The following CYP4F3 variants were observed in gnomAD, a reference collection of about 807,000 sequenced individuals.
The protein encoded by CYP4F3 is cytochrome P450 4F3.
Under a neutral mutation model 54.8 loss-of-function variants are expected in CYP4F3, and 50 were observed. The observed-to-expected ratio is 0.91, with a 90% CI of 0.73 to 1.16. The LOEUF (loss-of-function observed/expected upper bound fraction) is 1.16, where lower values mean the gene tolerates loss of function less well. CYP4F3 is among the 50% of genes most tolerant of loss of function. CYP4F3 has a pLI of 0.00. For synonymous variants in CYP4F3, 244 were observed against 262.6 expected, an observed-to-expected ratio of 0.93 and a Z score of 0.69; for missense variants, 715 against 676.2, an observed-to-expected ratio of 1.06 and a Z score of -0.64.
At position 15,652,677 on chromosome 19, in the gene CYP4F3, C is replaced by A. The variant is rs781034491; in HGVS notation, c.985+42C>A. 1.3e-5 allele frequency: 21 copies of A among 1,613,892 alleles called. No homozygotes were observed. The South Asian group carries it at 2.1e-4, about 16-fold the overall frequency. On this transcript the variant is annotated intron_variant, in intron 8 of 12. Coordinates refer to ENST00000221307, the MANE Select transcript of CYP4F3 (RefSeq NM_000896.3). ...GGGGCTAGAGTGGGGACTTGGATAT[C>A]TCCATTCCAGGAACAGGGTGGGTGG...
intron 9 of CYP4F3, among the ~76,000 whole-genome samples, chr19:15,654,499 G>T (rs571746286): frequency 1.3e-5 from 2 of 152,042 alleles, no homozygotes; most frequent in Non-Finnish European, 2.9e-5. Flanking sequence ...ACTCAAATTC[G>T]TACCCATTAA....
Position 15,652,986 on chromosome 19 carries a change from C to T in CYP4F3, c.1115+34C>T, listed in dbSNP as rs77718064. 1.8e-4 allele frequency: 285 copies of T among 1,578,094 alleles called. 1 individual carries two copies. The East Asian group carries it at 5.3e-3, about 29-fold the overall frequency. On this transcript the variant is annotated intron_variant, in intron 9 of 12. Coordinates refer to ENST00000221307, the MANE Select transcript of CYP4F3 (RefSeq NM_000896.3). Reference sequence around the variant, plus strand: ...AGGTGCTGGTGCCCTGTTCCTGAGCCTGTCTCATTGGCTCTGTTCCCCAGG... The same window carrying T: ...AGGTGCTGGTGCCCTGTTCCTGAGCTTGTCTCATTGGCTCTGTTCCCCAGG...
At chr19:15,643,666 C>A (rs1428380847) in intron 2 of CYP4F3, among the ~76,000 whole-genome samples, 5 of 152,150 alleles carry the variant, frequency 3.3e-5, no homozygotes, top group Non-Finnish European at 7.4e-5. Context: ...AGCCCCACAA[C>A]AGAGCAAATT....
intron 9 of CYP4F3, among the ~76,000 whole-genome samples, chr19:15,657,456 G>A (rs1438498620): frequency 1.3e-5 from 2 of 152,026 alleles, no homozygotes; most frequent in East Asian, 3.9e-4. Context: ...CACCATGCCT[G>A]GGTAATTTTT....
intron 9 of CYP4F3, among the ~76,000 whole-genome samples, chr19:15,656,565 CATCT>C (rs1400225920): frequency 6.7e-6 from 1 of 149,368 alleles, no homozygotes; most frequent in Non-Finnish European, 1.5e-5. Flanking sequence ...ATCTATCTAT[CATCT>C]ATCAATGTAT....
chr19:15,644,694 A>C (rs1427557369), intron 2 of CYP4F3, among the ~76,000 whole-genome samples: 1 of 152,110 alleles, frequency 6.6e-6, no homozygotes, highest in Non-Finnish European at 1.5e-5. Flanking sequence ...TGTCTGCCCT[A>C]AGTTCATTGC....
rs1179821074 is a variant in CYP4F3 at position 15,643,327 on chromosome 19, T to C, written c.198+1714T>C. On this transcript the variant is annotated intron_variant, in intron 2 of 12. Coordinates refer to ENST00000221307, the MANE Select transcript of CYP4F3 (RefSeq NM_000896.3). ...TAGATAGATAGATTAGATAGATAGA[T>C]AGATAGACAGATAGATACATACATA... 3.6e-4 allele frequency among the ~76,000 whole-genome samples: 51 copies of C among 143,482 alleles called. 1 individual carries two copies. In the South Asian group the frequency reaches 3.9e-3, roughly 11 times the overall value. The allele number at this position is 143,482 out of a possible 152,430, so 94.1% of individuals were successfully genotyped here. A position where few individuals can be genotyped will look rare whatever the true frequency, so the allele number is the denominator to read the frequency against.
At chr19:15,647,432 T>G in intron 5 of CYP4F3, 108 bp downstream of exon 5, 1 of 1,529,358 alleles carries the variant, frequency 6.5e-7, no homozygotes, top group Non-Finnish European at 8.9e-7. Context: ...GGCCATTGTC[T>G]TCCTCTCTGA....
intron 9 of CYP4F3, among the ~76,000 whole-genome samples, chr19:15,655,802 A>T (rs1313614432): frequency 6.6e-6 from 1 of 152,202 alleles, no homozygotes; most frequent in East Asian, 1.9e-4. Context: ...TTAATTGACA[A>T]GTTTTAATTA....
At chr19:15,653,771 A>AGAGAGAGAGT (rs1972938630) in intron 9 of CYP4F3, among the ~76,000 whole-genome samples, 1 of 146,086 alleles carries the variant, frequency 6.8e-6, no homozygotes, top group Admixed American at 6.8e-5. Flanking sequence ...AGAGAGAGAG[A>AGAGAGAGAGT]GAGAGAGAGA....
At chr19:15,651,308 T>C (rs1312903056) in intron 7 of CYP4F3, among the ~76,000 whole-genome samples, 1 of 140,464 alleles carries the variant, frequency 7.1e-6, no homozygotes, top group African/African-American at 2.6e-5. Context: ...TGTATGTCTA[T>C]GTCCATGTTT....
intron 9 of CYP4F3, among the ~76,000 whole-genome samples, chr19:15,657,461 A>G (rs1568403040): frequency 6.6e-6 from 1 of 151,570 alleles, no homozygotes; most frequent in African/African-American, 2.4e-5. Context: ...TGCCTGGGTA[A>G]TTTTTTTTGT....
chr19:15,658,291 G>A lies in CYP4F3; in HGVS notation c.1143G>A (p.Leu381=), dbSNP rs1367941049. 1 of 1,614,132 alleles carries A rather than the reference G, an allele frequency of 6.2e-7. No individual in the cohort carries two copies. Among genetic ancestry groups the A allele is most frequent in the Non-Finnish European group, 8.5e-7 (1 of 1,180,018 alleles). The change falls in exon 10 of 13, where the codon CTG becomes CTA. Residue 381 remains leucine (L), a synonymous_variant. Coordinates refer to ENST00000221307, the MANE Select transcript of CYP4F3 (RefSeq NM_000896.3). The part of the protein sequence containing the change: ...EWDDLAQLPF[L]TMCIKESLRL... ...ACGACCTGGCCCAGCTGCCCTTCCT[G>A]ACCATGTGCATTAAGGAGAGCCTGA...
At chr19:15,647,455 T>G in intron 5 of CYP4F3, 131 bp downstream of exon 5, 1 of 1,457,606 alleles carries the variant, frequency 6.9e-7, no homozygotes, top group South Asian at 1.4e-5. Context: ...TTTGGTTTCC[T>G]CATCTGTAAA....
Position 15,649,291 on chromosome 19 carries a change from T to C in CYP4F3, c.647+10T>C. The stretch of plus-strand genomic sequence containing the variant: ...ACAGCCATTGCCAGGAGTAAGTTCT[T>C]GCCCAGGGTCTGGGATCCTGGGCCG... On this transcript the variant is annotated intron_variant, in intron 6 of 12. Coordinates refer to ENST00000221307, the MANE Select transcript of CYP4F3 (RefSeq NM_000896.3). 1 of 1,612,212 alleles carries C rather than the reference T, an allele frequency of 6.2e-7. No homozygotes were observed. The highest frequency in any genetic ancestry group is 1.3e-5 in the African/African-American group (1 of 74,930).
intron 2 of CYP4F3, chr19:15,644,103 A>G: frequency 1.4e-6 from 2 of 1,473,288 alleles, no homozygotes; most frequent in Non-Finnish European, 1.8e-6. Context: ...TGAGGCCTGC[A>G]AGTCCCTCTA....
chr19:15,642,309 A>G (rs1184897831), intron 2 of CYP4F3, among the ~76,000 whole-genome samples: 3 of 152,322 alleles, frequency 2.0e-5, no homozygotes, highest in Admixed American at 1.3e-4. Context: ...CACAGGATGC[A>G]CTAGCACAGA....
chr19:15,649,079 C>G (rs111629551), intron 5 of CYP4F3, 81 bp from the exon 6 acceptor site: 1 of 1,585,544 alleles, frequency 6.3e-7, no homozygotes, highest in Non-Finnish European at 8.6e-7. Context: ...TATTCTGGGG[C>G]GTGCATATTG....
At position 15,649,293 on chromosome 19, in the gene CYP4F3, C is replaced by T. The variant is rs760654086; in HGVS notation, c.647+12C>T. ...AGCCATTGCCAGGAGTAAGTTCTTG[C>T]CCAGGGTCTGGGATCCTGGGCCGTG... On this transcript the variant is annotated intron_variant, in intron 6 of 12. Transcript: ENST00000221307. 1 of 1,612,460 alleles carries T rather than the reference C, an allele frequency of 6.2e-7. No individual in the cohort carries two copies. Among genetic ancestry groups the T allele is most frequent in the South Asian group, 1.1e-5 (1 of 91,046 alleles).
Sources: allele counts gnomAD v4.1 joint callset (sites outside exome capture counted in the v4.1 genomes callset), GRCh38; gene constraint gnomAD v4.1.1; transcripts MANE v1.5; gene names NCBI Gene and HGNC (gene_info 2026-07-23, HGNC 2026-07-21).